Variants in URM1 observed in about 807,000 individuals in gnomAD.
URM1 encodes ubiquitin related modifier 1, also known as ubiquitin-related modifier 1.
URM1 carries 11 observed loss-of-function variants against 17.7 expected under a neutral mutation model. The observed-to-expected ratio is 0.62, with a 90% CI of 0.39 to 1.03. The LOEUF (loss-of-function observed/expected upper bound fraction) is 1.03. URM1 is among the 50% of genes least tolerant of loss of function. URM1 has a pLI of 0.00. For synonymous variants in URM1, 48 were observed against 50.6 expected (o/e 0.95, Z 0.22); for missense variants, 128 against 129.2 (o/e 0.99, Z 0.04).
intron 2 of URM1, among the ~76,000 whole-genome samples, chr9:128,385,819 G>A (rs573236281): frequency 6.6e-6 from 1 of 151,918 alleles, no homozygotes; most frequent in Admixed American, 6.6e-5. Flanking sequence ...AATACGAGTG[G>A]CGATGCGGTA....
intron 2 of URM1, among the ~76,000 whole-genome samples, chr9:128,380,126 A>T (rs1356578307): frequency 6.6e-6 from 1 of 152,156 alleles, no homozygotes; most frequent in Non-Finnish European, 1.5e-5. Flanking sequence ...GAAAAAAAAA[A>T]TACATAAGCA....
At chr9:128,381,425 A>G (rs907943093) in intron 2 of URM1, among the ~76,000 whole-genome samples, 1 of 152,188 alleles carries the variant, frequency 6.6e-6, no homozygotes, top group Non-Finnish European at 1.5e-5. Context: ...GGCCAGGTGC[A>G]GTGGCTCACT....
At chr9:128,371,491 G>T in intron 1 of URM1, 76 bp downstream of exon 1, 1 of 1,455,244 alleles carries the variant, frequency 6.9e-7, no homozygotes. Flanking sequence ...TCTGCCGTGG[G>T]GCCTGACACG....
intron 2 of URM1, among the ~76,000 whole-genome samples, chr9:128,381,358 C>T (rs901087249): frequency 1.3e-5 from 2 of 152,134 alleles, no homozygotes; most frequent in African/African-American, 4.8e-5. Flanking sequence ...CCAAAGGGTA[C>T]TTGAATAGGA....
intron 2 of URM1, among the ~76,000 whole-genome samples, chr9:128,385,352 C>G (rs535099156): frequency 3.7e-4 from 57 of 152,318 alleles, no homozygotes; most frequent in African/African-American, 1.3e-3. Flanking sequence ...TATGTCTCCC[C>G]TGCTGACCTC....
chr9:128,388,113 C>T, intron 3 of URM1: 1 of 1,333,442 alleles, frequency 7.5e-7, no homozygotes, highest in Non-Finnish European at 9.6e-7. Flanking sequence ...TGGTGAATTT[C>T]TCAGAAAACT....
rs1478654731 is a variant in URM1 at position 128,389,742 on chromosome 9, T to C, written c.*8T>C. ...ACTCTGCACGGCGGCTGAGGGCCCT[T>C]CTCTGGGCCTGGGCACCCTTAGAGG... On this transcript the variant is annotated 3_prime_UTR_variant, in exon 5 of 5. Transcript: ENST00000372853. 8.1e-6 allele frequency: 13 copies of C among 1,613,234 alleles called. No homozygotes were observed. Among genetic ancestry groups the C allele is most frequent in the Non-Finnish European group, 1.0e-5 (12 of 1,179,976 alleles).
intron 2 of URM1, among the ~76,000 whole-genome samples, chr9:128,383,257 C>A (rs1203704363): frequency 1.3e-5 from 2 of 152,106 alleles, no homozygotes; most frequent in African/African-American, 2.4e-5. Flanking sequence ...ATGAGGAGGT[C>A]CCCTCGCACA....
chr9:128,391,853 G>C lies in URM1; in HGVS notation c.*2119G>C, dbSNP rs1486441357. 6.6e-6 allele frequency: 1 copy of C among 152,232 alleles called. No individual in the cohort carries two copies. Among genetic ancestry groups the C allele is most frequent in the African/African-American group, 2.4e-5 (1 of 41,446 alleles). 9.4% of individuals were successfully genotyped at this position (152,232 alleles called of 1,614,324 possible). A position where few individuals can be genotyped will look rare whatever the true frequency, so the allele number is the denominator to read the frequency against. ...GTGGTTGAAATTGGCCATGTCCAAG[G>C]CACACCAGACGATTTCAGGTCATTT... On this transcript the variant is annotated 3_prime_UTR_variant, in exon 5 of 5. Coordinates refer to ENST00000372853, the MANE Select transcript of URM1 (RefSeq NM_030914.4).
At chr9:128,376,398 G>A (rs962776026) in intron 1 of URM1, among the ~76,000 whole-genome samples, 3 of 151,132 alleles carry the variant, frequency 2.0e-5, no homozygotes, top group Admixed American at 1.3e-4. Flanking sequence ...GGTGGCTCAC[G>A]CCTGTAATCC....
chr9:128,389,623 A>G (rs778225263), intron 4 of URM1, 43 bp from the exon 5 acceptor site: 2 of 1,611,938 alleles, frequency 1.2e-6, no homozygotes, highest in Admixed American at 3.3e-5. Context: ...GGACCTGGGA[A>G]GGTGGCCCTG....
chr9:128,378,008 TGTC>T, intron 1 of URM1, 25 bp from the exon 2 acceptor site: 1 of 1,610,304 alleles, frequency 6.2e-7, no homozygotes, highest in Non-Finnish European at 8.5e-7. Flanking sequence ...CTCACCTGGC[TGTC>T]TTTTTCTCTG....
intron 1 of URM1, among the ~76,000 whole-genome samples, chr9:128,375,485 AG>A (rs1833064437): frequency 6.6e-6 from 1 of 152,158 alleles, no homozygotes; most frequent in Non-Finnish European, 1.5e-5. Flanking sequence ...CTGAGGCAGA[AG>A]GATTGCTTGA....
rs1833288850 is a variant in URM1, at chr9:128,390,042, C to T, written c.*308C>T. Reference sequence around the variant, plus strand: ...CTCTGTGGCCAGGTGACCTGGCTGCCTTCCACTCCTTGTACCTCAGTCTAA... The same window carrying T: ...CTCTGTGGCCAGGTGACCTGGCTGCTTTCCACTCCTTGTACCTCAGTCTAA... On this transcript the variant is annotated 3_prime_UTR_variant, in exon 5 of 5. Transcript: ENST00000372853. The T allele has an allele frequency of 4.4e-6, 2 of 450,070 alleles. No homozygotes were observed. Among genetic ancestry groups the T allele is most frequent in the East Asian group, 4.0e-5 (1 of 25,076 alleles). 27.9% of individuals were successfully genotyped at this position (450,070 alleles called of 1,614,324 possible). A position where few individuals can be genotyped will look rare whatever the true frequency, so the allele number is the denominator to read the frequency against.
chr9:128,378,947 CAAAAAAA>C (rs397976946), intron 2 of URM1, among the ~76,000 whole-genome samples: 2 of 86,864 alleles, frequency 2.3e-5, no homozygotes, highest in Admixed American at 1.3e-4. Context: ...ATTCTGTCAC[CAAAAAAA>C]AAAAAAAAAA....
At chr9:128,388,910 T>C in intron 3 of URM1, 1 of 1,081,326 alleles carries the variant, frequency 9.2e-7, no homozygotes, top group Non-Finnish European at 1.1e-6. Context: ...ACTCCACACA[T>C]ATCAGCTCAT....
Position 128,389,915 on chromosome 9 carries a change from G to GTGAGCAGC in URM1, c.*182_*189dup. The GTGAGCAGC allele has an allele frequency of 1.3e-6, 1 of 781,824 alleles. No individual in the cohort carries two copies. The highest frequency in any genetic ancestry group is 2.0e-6 in the Non-Finnish European group (1 of 504,330). The allele number at this position is 781,824 out of a possible 1,614,324, so 48.4% of individuals were successfully genotyped here. On this transcript the variant is annotated 3_prime_UTR_variant, in exon 5 of 5. Transcript: ENST00000372853. Reference sequence around the variant, plus strand: ...CTAAAAATGAGCCTTTCTCAAGCACGTGAGCAGCGGAAGGCAGACAGGCGC... The same window carrying GTGAGCAGC: ...CTAAAAATGAGCCTTTCTCAAGCACGTGAGCAGCTGAGCAGCGGAAGGCAGACAGGCGC...
At chr9:128,374,148 C>T (rs1022542970) in intron 1 of URM1, among the ~76,000 whole-genome samples, 1 of 152,174 alleles carries the variant, frequency 6.6e-6, no homozygotes, top group East Asian at 1.9e-4. Flanking sequence ...CCTTGTCTGC[C>T]TCCCTGAATC....
intron 2 of URM1, among the ~76,000 whole-genome samples, chr9:128,382,250 A>G (rs1418427466): frequency 6.6e-6 from 1 of 152,024 alleles, no homozygotes; most frequent in Non-Finnish European, 1.5e-5. Flanking sequence ...CAGCAGACCC[A>G]TGGTAACCTA....
Sources: allele counts gnomAD v4.1 joint callset (sites outside exome capture counted in the v4.1 genomes callset), GRCh38; gene constraint gnomAD v4.1.1; transcripts MANE v1.5; gene names NCBI Gene and HGNC (gene_info 2026-07-23, HGNC 2026-07-21).